The following TBC1D31 variants were observed in gnomAD, a reference collection of about 807,000 sequenced individuals.
TBC1D31 encodes the protein WD repeat domain 67.
TBC1D31 carries 99 observed loss-of-function variants against 132.9 expected under a neutral mutation model. The ratio of observed to expected loss-of-function variants is 0.74; its 90% confidence interval spans 0.63 to 0.88. The LOEUF (loss-of-function observed/expected upper bound fraction) is 0.88. Among genes scored for constraint, TBC1D31 ranks in the 40% least tolerant of loss-of-function variants. The pLI is 0.00. For missense variants in TBC1D31, 1,134 were observed against 1,256.6 expected (o/e 0.90, Z 1.48); for synonymous variants, 385 against 419.4 (o/e 0.92, Z 1.00).
intron 10 of TBC1D31, among the ~76,000 whole-genome samples, chr8:123,112,181 T>C (rs1311774240): frequency 1.3e-5 from 2 of 152,202 alleles, no homozygotes; most frequent in Admixed American, 1.3e-4. Context: ...AATTATTGTT[T>C]TAAAATGACT....
At chr8:123,108,623 A>C (rs1427851345) in intron 8 of TBC1D31, among the ~76,000 whole-genome samples, 1 of 152,186 alleles carries the variant, frequency 6.6e-6, no homozygotes, top group Non-Finnish European at 1.5e-5. Context: ...TTAAGTAGTT[A>C]TATATAAATA....
At chr8:123,088,548 T>G in intron 4 of TBC1D31, among the ~76,000 whole-genome samples, 1 of 152,212 alleles carries the variant, frequency 6.6e-6, no homozygotes, top group Admixed American at 6.5e-5. Context: ...ACGTTCGGTT[T>G]TTAAAAAATT....
At chr8:123,102,135 C>A (rs1314377294) in intron 7 of TBC1D31, 1 of 416,756 alleles carries the variant, frequency 2.4e-6, no homozygotes, top group Non-Finnish European at 4.8e-6. Flanking sequence ...ATCTAAAATT[C>A]CCCCAGCTAA....
At chr8:123,141,193 T>C (rs376181302) in intron 18 of TBC1D31, among the ~76,000 whole-genome samples, 2 of 152,174 alleles carry the variant, frequency 1.3e-5, no homozygotes, top group African/African-American at 4.8e-5. Flanking sequence ...TACGAAGGAA[T>C]AGTGACTTAA....
At chr8:123,161,879 G>A in the TBC1D31 span, among the ~76,000 whole-genome samples, 3 of 151,786 alleles carry the variant, frequency 2.0e-5, no homozygotes, top group Non-Finnish European at 4.4e-5. Context: ...TTAGCCGGGC[G>A]TGGTGGTGGG....
At chr8:123,109,434 CA>C (rs761663047) in intron 9 of TBC1D31, 38 bp downstream of exon 9, 56 of 1,604,990 alleles carry the variant, frequency 3.5e-5, no homozygotes, top group Middle Eastern at 1.7e-4. Flanking sequence ...CAGTTTTACT[CA>C]AAAAAAATTG....
chr8:123,102,999 A>G (rs1413476195), intron 7 of TBC1D31: 2 of 152,244 alleles, frequency 1.3e-5, no homozygotes, highest in Non-Finnish European at 2.9e-5. Flanking sequence ...GTTCAATGAT[A>G]AGGAATCAGC....
chr8:123,111,171 G>A (rs1013757195), intron 10 of TBC1D31, among the ~76,000 whole-genome samples: 5 of 151,834 alleles, frequency 3.3e-5, no homozygotes, highest in East Asian at 1.9e-4. Context: ...CTTGTTAGGC[G>A]GATTATAATT....
chr8:123,159,757 A>C, the TBC1D31 span, among the ~76,000 whole-genome samples: 4 of 150,722 alleles, frequency 2.7e-5, no homozygotes, highest in Non-Finnish European at 4.4e-5. Context: ...GCGTCACTGC[A>C]CTCCAGCCTG....
At chr8:123,120,963 CTTT>C (rs71310658) in intron 11 of TBC1D31, among the ~76,000 whole-genome samples, 1 of 135,858 alleles carries the variant, frequency 7.4e-6, no homozygotes. Flanking sequence ...ATTTTAACCT[CTTT>C]TTTTTTTTTT....
At chr8:123,106,962 A>C (rs1817986891) in intron 8 of TBC1D31, among the ~76,000 whole-genome samples, 1 of 152,194 alleles carries the variant, frequency 6.6e-6, no homozygotes, top group African/African-American at 2.4e-5. Flanking sequence ...TCCATCAATG[A>C]ATATGTGTGG....
chr8:123,113,532 G>A (rs1354686720), intron 10 of TBC1D31, among the ~76,000 whole-genome samples: 1 of 152,114 alleles, frequency 6.6e-6, no homozygotes, highest in Non-Finnish European at 1.5e-5. Flanking sequence ...GTGTATACAT[G>A]GGGACCTTCT....
chr8:123,122,735 T>C (rs1383428600), intron 11 of TBC1D31, among the ~76,000 whole-genome samples: 1 of 152,252 alleles, frequency 6.6e-6, no homozygotes, highest in Non-Finnish European at 1.5e-5. Flanking sequence ...AAATGGATTG[T>C]AGTTAATTTA....
At chr8:123,158,536 G>T in the TBC1D31 span, among the ~76,000 whole-genome samples, 2 of 152,152 alleles carry the variant, frequency 1.3e-5, no homozygotes, top group African/African-American at 4.8e-5. Context: ...GGTTCGTGTG[G>T]ACCTAGGTGG....
At chr8:123,118,743 T>C (rs183003244) in intron 10 of TBC1D31, among the ~76,000 whole-genome samples, 142 of 152,366 alleles carry the variant, frequency 9.3e-4, no homozygotes, top group Admixed American at 8.2e-3. Context: ...TTTTAGTTTT[T>C]TGTTTTAGAG....
intron 5 of TBC1D31, among the ~76,000 whole-genome samples, chr8:123,094,738 A>C (rs991244677): frequency 1.3e-5 from 2 of 151,522 alleles, no homozygotes; most frequent in Non-Finnish European, 1.5e-5. Context: ...CGGGGGTTTC[A>C]CCATGTTGGC....
At chr8:123,148,991 A>G (rs1177636665) in intron 20 of TBC1D31, among the ~76,000 whole-genome samples, 7 of 151,992 alleles carry the variant, frequency 4.6e-5, no homozygotes, top group African/African-American at 1.7e-4. Context: ...AGGTTGCAGT[A>G]AGCCGAGATC....
chr8:123,111,886 C>G (rs1194976310), intron 10 of TBC1D31, among the ~76,000 whole-genome samples: 1 of 152,084 alleles, frequency 6.6e-6, no homozygotes, highest in Non-Finnish European at 1.5e-5. Context: ...CAGGGCCTTG[C>G]TCTGTCACCC....
chr8:123,155,838 T>C (rs1563767957), downstream of TBC1D31, among the ~76,000 whole-genome samples: 1 of 152,136 alleles, frequency 6.6e-6, no homozygotes, highest in Non-Finnish European at 1.5e-5. This position sits in a 1 kb window ranked among gnomAD's most constrained non-coding sequence, Gnocchi z 4.1. Context: ...CTAAACATGG[T>C]TTCTGAATTG....
Sources: gnomAD v4.1 joint callset for allele counts (sites outside exome capture counted in the v4.1 genomes callset) on GRCh38, gnomAD v4.1.1 for gene constraint, Gnocchi (gnomAD v3.1) non-coding constraint, MANE v1.5 for transcripts, NCBI Gene and HGNC (gene_info 2026-07-23, HGNC 2026-07-21) for gene names.